The following MTCL1 variants were observed in gnomAD, a reference collection of about 807,000 sequenced individuals.
The protein encoded by MTCL1 is microtubule cross-linking factor 1.
MTCL1 carries 79 observed loss-of-function variants against 141.4 expected under a neutral mutation model. The ratio of observed to expected loss-of-function variants is 0.56; its 90% CI spans 0.47 to 0.67. The LOEUF is 0.67. Among genes scored for constraint, MTCL1 ranks in the 30% least tolerant of loss-of-function variants. MTCL1 has a pLI of 0.00. For synonymous variants in MTCL1, 914 were observed against 875.8 expected (o/e 1.04, Z -0.77); for missense variants, 2,177 against 2,113.9 (o/e 1.03, Z -0.59).
chr18:8,752,259 A>AATATTGTG (rs2096375455), intron 4 of MTCL1, among the ~76,000 whole-genome samples: 1 of 152,188 alleles, frequency 6.6e-6, no homozygotes, highest in Non-Finnish European at 1.5e-5. Flanking sequence ...AAGATGTGTA[A>AATATTGTG]ATATTGTGAC....
At chr18:8,760,337 C>T (rs748296750) in intron 4 of MTCL1, among the ~76,000 whole-genome samples, 3 of 152,216 alleles carry the variant, frequency 2.0e-5, no homozygotes, top group Non-Finnish European at 4.4e-5. Flanking sequence ...GAACAAGAGT[C>T]CCCACCTCAT....
At chr18:8,757,620 GTGT>G (rs2096408763) in intron 4 of MTCL1, among the ~76,000 whole-genome samples, 1 of 152,218 alleles carries the variant, frequency 6.6e-6, no homozygotes, top group Admixed American at 6.5e-5. Flanking sequence ...AGGAAGGGGC[GTGT>G]GTGCAAGGGC....
rs778114151 is a variant in MTCL1, at chr18:8,813,234, G to A, written c.2859+1G>A. On this transcript the variant is annotated splice_donor_variant, in intron 12 of 16. Transcript: ENST00000359865. LOFTEE classifies it high-confidence loss of function. ...GGAATTCTTGTGGAGGATAGAGCAG[G>A]TAAGGAGGCACCCCGGGGCCCTGGA... The A allele has an allele frequency of 6.2e-7, 1 of 1,610,400 alleles. No homozygotes were observed. Among genetic ancestry groups the A allele is most frequent in the Non-Finnish European group, 8.5e-7 (1 of 1,178,426 alleles).
chr18:8,825,238 C>T (rs1004090574), exon 15 of MTCL1: 3 of 1,596,336 alleles, frequency 1.9e-6, no homozygotes, highest in Non-Finnish European at 2.6e-6. Context: ...TGCACCTCCC[C>T]CAGGCACTCC....
At chr18:8,714,922 G>A (rs920411252), upstream of MTCL1, among the ~76,000 whole-genome samples, 21 of 151,812 alleles carry the variant, frequency 1.4e-4, no homozygotes, top group Non-Finnish European at 1.8e-4. Flanking sequence ...TCAGCCTCCC[G>A]AGTAGCTGGG....
intron 16 of MTCL1, chr18:8,829,092 C>G (rs1412814160): frequency 1.5e-5 from 23 of 1,539,584 alleles, no homozygotes; most frequent in Non-Finnish European, 1.5e-5. Flanking sequence ...ACCCCAAGTT[C>G]CAGGAGGTTC....
At chr18:8,824,862 T>A in exon 15 of MTCL1, 1 of 1,614,000 alleles carries the variant, frequency 6.2e-7, no homozygotes, top group Non-Finnish European at 8.5e-7. Context: ...GAGCTGGGAC[T>A]ACACACCCAA....
At chr18:8,758,240 C>G (rs2096412553) in intron 4 of MTCL1, among the ~76,000 whole-genome samples, 1 of 152,114 alleles carries the variant, frequency 6.6e-6, no homozygotes, top group Non-Finnish European at 1.5e-5. Context: ...TCAGGCTGGT[C>G]TCAAACTCCT....
At chr18:8,786,115 C>CCCCCA in intron 7 of MTCL1, 24 bp downstream of exon 6, 1 of 1,388,264 alleles carries the variant, frequency 7.2e-7, no homozygotes. Flanking sequence ...AGCAATCCCC[C>CCCCCA]CCCCCCGCCC....
chr18:8,713,511 C>T (rs2096107396), upstream of MTCL1, among the ~76,000 whole-genome samples: 2 of 152,104 alleles, frequency 1.3e-5, no homozygotes, highest in South Asian at 2.1e-4. Context: ...TGGAGCATGC[C>T]GTCAGAAAAT....
At position 8,722,977 on chromosome 18, in the gene MTCL1, A is replaced by G. The variant is rs567282996; in HGVS notation, c.357+2481A>G. Among the ~76,000 whole-genome samples the G allele has an allele frequency of 8.1e-4, 123 of 152,354 alleles. 1 individual carries two copies. Among genetic ancestry groups the G allele is most frequent in the African/African-American group, 3.0e-3 (123 of 41,572 alleles). On this transcript the variant is annotated intron_variant, in intron 4 of 16. Coordinates refer to ENST00000359865, the Ensembl canonical transcript of MTCL1. ...TCAAAAGCAAGGCCAGAGTGAGACA[A>G]GTATCTTCAGAGAACCTGATGCTGG...
chr18:8,827,665 A>G (rs747563360), intron 15 of MTCL1, among the ~76,000 whole-genome samples: 1 of 152,188 alleles, frequency 6.6e-6, no homozygotes, highest in Non-Finnish European at 1.5e-5. Context: ...CTGCCTTCTT[A>G]GGGCTCTGAA....
At chr18:8,812,828 G>T in intron 11 of MTCL1, 151 bp from the exon 11 acceptor site, 1 of 954,598 alleles carries the variant, frequency 1.0e-6, no homozygotes, top group Admixed American at 2.9e-5. Flanking sequence ...TCTTAATTAG[G>T]ACTTTAAAAA....
At chr18:8,811,070 C>T (rs2076467404) in intron 11 of MTCL1, 1 of 147,124 alleles carries the variant, frequency 6.8e-6, no homozygotes, top group Admixed American at 6.7e-5. Flanking sequence ...TTTACTGTTG[C>T]AATAAAGGAA....
chr18:8,751,313 CTGTTT>C (rs2096369981), intron 4 of MTCL1, among the ~76,000 whole-genome samples: 3 of 152,090 alleles, frequency 2.0e-5, no homozygotes, highest in South Asian at 2.1e-4. Context: ...CCTCAGTTGT[CTGTTT>C]TAAGTTTTGC....
chr18:8,770,560 C>G (rs1057272860), intron 4 of MTCL1, among the ~76,000 whole-genome samples: 13 of 152,168 alleles, frequency 8.5e-5, no homozygotes, highest in African/African-American at 2.2e-4. Context: ...CCTTCATGAC[C>G]TCATTGCAAC....
intron 10 of MTCL1, among the ~76,000 whole-genome samples, chr18:8,800,238 G>A (rs950790382): frequency 2.0e-5 from 3 of 152,218 alleles, no homozygotes; most frequent in Non-Finnish European, 2.9e-5. Context: ...GTCTCACAGA[G>A]CTGCACAGAG....
At chr18:8,798,409 C>CAGT in intron 10 of MTCL1, 118 bp downstream of exon 9, 3 of 854,350 alleles carry the variant, frequency 3.5e-6, no homozygotes, top group Non-Finnish European at 5.0e-6. Flanking sequence ...AATTCCACCG[C>CAGT]CTGACTGCGG....
exon 6 of MTCL1, chr18:8,783,610 A>T (rs1046113286): frequency 6.2e-7 from 1 of 1,613,680 alleles, no homozygotes; most frequent in Non-Finnish European, 8.5e-7. Context: ...TGGCCAAGCT[A>T]GGAAGGGAGA....
Sources: gnomAD v4.1 joint callset for allele counts (sites outside exome capture counted in the v4.1 genomes callset) on GRCh38, gnomAD v4.1.1 for gene constraint, MANE v1.5 for transcripts, NCBI Gene and HGNC (gene_info 2026-07-23, HGNC 2026-07-21) for gene names.